CRNKL1: variants seen among roughly 807,000 people sequenced by gnomAD.
CRNKL1 encodes the protein crooked neck pre-mRNA splicing factor 1, also known as crooked neck-like protein 1.
A neutral mutation model predicts 103.7 loss-of-function variants in CRNKL1; 35 were observed. That is an observed-to-expected ratio of 0.34 (90% CI 0.26 to 0.45). The LOEUF is 0.45. CRNKL1 is among the 20% of genes least tolerant of loss of function. The pLI is 1.00. For missense variants in CRNKL1, 645 were observed against 836.0 expected, an observed-to-expected ratio of 0.77 and a Z score of 2.82; for synonymous variants, 267 against 282.6, an observed-to-expected ratio of 0.94 and a Z score of 0.55.
Position 20,037,244 on chromosome 20 carries a change from TTAAAAGTCCACA to T in CRNKL1, c.1896+67_1896+78del. 4 of 1,521,490 alleles carry T rather than the reference TTAAAAGTCCACA, an allele frequency of 2.6e-6. No homozygotes were observed. The South Asian group carries it at 5.1e-5, about 19-fold the overall frequency. 94.2% of individuals were successfully genotyped at this position (1,521,490 alleles called of 1,614,324 possible). On this transcript the variant is annotated intron_variant, in intron 13 of 13. Coordinates refer to ENST00000536226, the MANE Select transcript of CRNKL1 (RefSeq NM_001278628.2). ...CATTCTAAGATTGTACATATGCCAC[TTAAAAGTCCACA>T]TTTCGACGTCAGAAGTGTTTCTACT...
intron 5 of CRNKL1, among the ~76,000 whole-genome samples, chr20:20,045,779 G>C (rs551764027): frequency 6.6e-6 from 1 of 152,168 alleles, no homozygotes; most frequent in Admixed American, 6.5e-5. Flanking sequence ...ATGTGATCTT[G>C]GATAAGTCAC....
At position 20,037,323 on chromosome 20, in the gene CRNKL1, C is replaced by T. The variant is rs2043436189; in HGVS notation, c.1896G>A (p.Gly632=). 1.2e-6 allele frequency: 2 copies of T among 1,613,314 alleles called. No individual in the cohort carries two copies. The highest frequency in any genetic ancestry group is 1.7e-6 in the Non-Finnish European group (2 of 1,179,872). Residue 632 remains glycine, a splice_region_variant and synonymous_variant, in exon 13 of 14, where the codon GGG becomes GGA. Transcript: ENST00000536226. ...AACAGTCCCAGGGCAGAGTTCTTAC[C>T]CCATCATCAGTCTGGACCTTTCTTC... The part of the protein sequence containing the change: ...KKRRKVQTDD[G]SDAGWEEYFD...
intron 6 of CRNKL1, among the ~76,000 whole-genome samples, chr20:20,044,300 G>A (rs2043560570): frequency 6.6e-6 from 1 of 152,104 alleles, no homozygotes; most frequent in African/African-American, 2.4e-5. Flanking sequence ...ACCTTTCAAT[G>A]CTTCCCACTG....
chr20:20,050,460 A>G lies in CRNKL1; in HGVS notation c.204+10T>C. 1 of 1,611,450 alleles carries G rather than the reference A, an allele frequency of 6.2e-7. No individual in the cohort carries two copies. Among genetic ancestry groups the G allele is most frequent in the Non-Finnish European group, 8.5e-7 (1 of 1,178,850 alleles). ...CAATTAGTGGACTGAAAGATACCAC[A>G]CTGACTGACCTTCCTTTTCCTTAGT... is the stretch of plus-strand genomic sequence containing the variant. On this transcript the variant is annotated intron_variant, in intron 2 of 13. Transcript: ENST00000536226.
rs1291398713 is a variant in CRNKL1, at chr20:20,034,798, G to GTTAT, written c.*1393_*1396dup. On this transcript the variant is annotated 3_prime_UTR_variant, in exon 14 of 14. Coordinates refer to ENST00000536226, the MANE Select transcript of CRNKL1 (RefSeq NM_001278628.2). ...CTAGTTTCTTCTGTCCTCAAACACT[G>GTTAT]TTATTTATTTTCAAGATAAAATTTA... The GTTAT allele has an allele frequency of 1.4e-4, 22 of 152,292 alleles. No individual in the cohort carries two copies. In the East Asian group the frequency reaches 3.9e-3, roughly 27 times the overall value. The allele number at this position is 152,292 out of a possible 1,614,324, so 9.4% of individuals were successfully genotyped here.
chr20:20,039,055 G>A (rs114882051), intron 11 of CRNKL1, among the ~76,000 whole-genome samples: 336 of 152,258 alleles, frequency 2.2e-3, no homozygotes, highest in African/African-American at 8.0e-3. Context: ...TTAAATGCAG[G>A]GTCATGTTAG....
At chr20:20,052,175 C>T in intron 1 of CRNKL1, 117 bp downstream of exon 1, 1 of 889,664 alleles carries the variant, frequency 1.1e-6, no homozygotes, top group South Asian at 1.7e-5. Context: ...TCCTCTCCAT[C>T]TCTCAGGGTG....
Position 20,045,503 on chromosome 20 carries a change from G to T in CRNKL1, c.623-17C>A, listed in dbSNP as rs1023218880. The T allele has an allele frequency of 6.3e-6, 10 of 1,575,042 alleles. No homozygotes were observed. Among genetic ancestry groups the T allele is most frequent in the Non-Finnish European group, 8.6e-6 (10 of 1,156,552 alleles). ...CGAGGACAAGTGCAAGGGAATTAAG[G>T]AAATCCCAGGCAAAACAGCATGGCT... On this transcript the variant is annotated splice_polypyrimidine_tract_variant and intron_variant, in intron 5 of 13. Coordinates refer to ENST00000536226, the MANE Select transcript of CRNKL1 (RefSeq NM_001278628.2).
intron 12 of CRNKL1, among the ~76,000 whole-genome samples, chr20:20,038,115 T>C (rs1381544310): frequency 1.3e-5 from 2 of 151,712 alleles, no homozygotes; most frequent in Non-Finnish European, 2.9e-5. Flanking sequence ...TAACTTTTTT[T>C]CAATCTTGTG....
intron 13 of CRNKL1, 40 bp from the exon 14 acceptor site, chr20:20,036,402 GATATACTCACAT>G: frequency 6.3e-7 from 1 of 1,587,742 alleles, no homozygotes; most frequent in Non-Finnish European, 8.6e-7. Flanking sequence ...AAACGTGGGT[GATATACTCACAT>G]ATCAGAGTGA....
At chr20:20,036,800 T>C (rs1010098296) in intron 13 of CRNKL1, among the ~76,000 whole-genome samples, 2 of 152,258 alleles carry the variant, frequency 1.3e-5, no homozygotes, top group African/African-American at 4.8e-5. Flanking sequence ...TAACAGGCCC[T>C]GTGGCCCTGT....
upstream of CRNKL1, chr20:20,052,707 G>A (rs1011117789): frequency 5.0e-6 from 8 of 1,610,006 alleles, no homozygotes; most frequent in African/African-American, 6.7e-5. Flanking sequence ...GAGTGGCTCT[G>A]TCGAGCCGTG....
intron 2 of CRNKL1, 113 bp from the exon 3 acceptor site, chr20:20,049,544 G>T (rs2043651689): frequency 3.3e-6 from 2 of 601,494 alleles, no homozygotes; most frequent in Non-Finnish European, 2.9e-6. Flanking sequence ...TCATATTTAA[G>T]AGAAATTACA....
In CRNKL1 at chr20:20,041,533, T is replaced by C. The variant is rs188593003; in HGVS notation, c.1224+33A>G. On this transcript the variant is annotated intron_variant, in intron 9 of 13. Coordinates refer to ENST00000536226, the MANE Select transcript of CRNKL1 (RefSeq NM_001278628.2). ...CAAGTAACAGAAGAGGATTCTGACC[T>C]GTTTGAAATGGAACACTTTAGAGCA... The C allele has an allele frequency of 8.5e-6, 13 of 1,533,666 alleles. No homozygotes were observed. In the East Asian group the frequency reaches 2.7e-4, roughly 32 times the overall value.
intron 5 of CRNKL1, among the ~76,000 whole-genome samples, chr20:20,046,179 T>C (rs1358432378): frequency 6.6e-6 from 1 of 152,146 alleles, no homozygotes; most frequent in Non-Finnish European, 1.5e-5. Context: ...AGGTTCACAT[T>C]CTATTTCCAT....
At chr20:20,045,002 T>A (rs1482604195) in intron 6 of CRNKL1, among the ~76,000 whole-genome samples, 1 of 152,218 alleles carries the variant, frequency 6.6e-6, no homozygotes, top group African/African-American at 2.4e-5. Context: ...ATATTTATTA[T>A]CGGTTAAGTC....
chr20:20,043,409 G>C, intron 7 of CRNKL1, 83 bp downstream of exon 7: 1 of 1,304,282 alleles, frequency 7.7e-7, no homozygotes, highest in Non-Finnish European at 1.1e-6. Flanking sequence ...AGTGCTACTT[G>C]CTATTATTCA....
At chr20:20,054,364 G>T (rs1021418735), upstream of CRNKL1, among the ~76,000 whole-genome samples, 1 of 151,730 alleles carries the variant, frequency 6.6e-6, no homozygotes, top group Non-Finnish European at 1.5e-5. Context: ...TCAGCCCATT[G>T]ACTATTTTGT....
intron 1 of CRNKL1, among the ~76,000 whole-genome samples, 153 bp downstream of exon 1, chr20:20,052,139 G>GC (rs1430981951): frequency 2.0e-5 from 3 of 152,188 alleles, no homozygotes; most frequent in Non-Finnish European, 2.9e-5. Flanking sequence ...GATGACAAGA[G>GC]CCCGCGCCCC....
Sources: gnomAD v4.1 joint callset for allele counts (sites outside exome capture counted in the v4.1 genomes callset) on GRCh38, gnomAD v4.1.1 for gene constraint, MANE v1.5 for transcripts, NCBI Gene and HGNC (gene_info 2026-07-23, HGNC 2026-07-21) for gene names.